The following SLC45A1 variants were observed in gnomAD, a reference collection of about 807,000 sequenced individuals.
SLC45A1 encodes the protein proton-associated sugar transporter A.
In SLC45A1, 28 loss-of-function variants were observed where a neutral mutation model predicts 57.6. The observed-to-expected ratio is 0.49, with a 90% CI of 0.36 to 0.67. The LOEUF (loss-of-function observed/expected upper bound fraction) is 0.67. Among genes scored for constraint, SLC45A1 ranks in the 30% least tolerant of loss-of-function variants. SLC45A1 has a pLI of 0.00. For synonymous variants in SLC45A1, 459 were observed against 471.5 expected (o/e 0.97, Z 0.34); for missense variants, 814 against 1,041.5 (o/e 0.78, Z 3.01).
At chr1:8,324,810 G>A (rs1569933328) in intron 2 of SLC45A1, 84 bp downstream of exon 2, 1 of 1,300,268 alleles carries the variant, frequency 7.7e-7, no homozygotes. Context: ...GTCCTGAGGG[G>A]AGAAGGGAGG....
At chr1:8,324,049 A>G (rs1380700985) in intron 1 of SLC45A1, among the ~76,000 whole-genome samples, 1 of 152,028 alleles carries the variant, frequency 6.6e-6, no homozygotes, top group Non-Finnish European at 1.5e-5. Context: ...TGTTTGGGGG[A>G]TGGTCCCTTT....
intron 7 of SLC45A1, among the ~76,000 whole-genome samples, chr1:8,338,725 A>G (rs1171353765): frequency 6.6e-6 from 1 of 152,184 alleles, no homozygotes; most frequent in African/African-American, 2.4e-5. Flanking sequence ...TACGAGTTTC[A>G]TGTGATTTTC....
At chr1:8,340,151 A>ATCTT (rs1326868802) in intron 8 of SLC45A1, among the ~76,000 whole-genome samples, 12 of 150,582 alleles carry the variant, frequency 8.0e-5, no homozygotes, top group African/African-American at 2.2e-4. Flanking sequence ...GAACAAAAAC[A>ATCTT]TCTTTCTTTC....
At chr1:8,342,056 A>C (rs539178992) in intron 8 of SLC45A1, among the ~76,000 whole-genome samples, 2 of 151,826 alleles carry the variant, frequency 1.3e-5, no homozygotes, top group South Asian at 4.2e-4. Context: ...AAATACAAAA[A>C]ATTAGCCGGG....
Position 8,335,317 on chromosome 1 carries a change from G to C in SLC45A1, c.1444-120G>C. ...CGGGGCTCATGCCGTCAGATAAGAA[G>C]ACAGACCCTTGCAGCCTCCGTGCGG... is the stretch of plus-strand genomic sequence containing the variant. On this transcript the variant is annotated intron_variant, in intron 5 of 8. Transcript: ENST00000471889. This position sits in a 1 kb window ranked among gnomAD's most constrained non-coding sequence, Gnocchi z 4.1. 1 of 999,360 alleles carries C rather than the reference G, an allele frequency of 1.0e-6. No individual in the cohort carries two copies. 61.9% of individuals were successfully genotyped at this position (999,360 alleles called of 1,614,324 possible). A position where few individuals can be genotyped will look rare whatever the true frequency, so the allele number is the denominator to read the frequency against.
intron 1 of SLC45A1, among the ~76,000 whole-genome samples, chr1:8,321,046 G>C (rs1639997229): frequency 6.6e-6 from 1 of 152,132 alleles, no homozygotes; most frequent in African/African-American, 2.4e-5. Context: ...GTTGGAACTG[G>C]CGCTCTATTT....
rs188926271 is a variant in SLC45A1, at chr1:8,335,095, G to A, written c.1444-342G>A. ...ACAAAAAAGAAAGGACTTCCTAGGCGTGTGGATCTGAACTGACCCATGTTT... is the reference window on the plus strand; with the variant it reads ...ACAAAAAAGAAAGGACTTCCTAGGCATGTGGATCTGAACTGACCCATGTTT... On this transcript the variant is annotated intron_variant, in intron 5 of 8. Transcript: ENST00000471889. The surrounding 1 kb of genome is among the most constrained non-coding windows in gnomAD (Gnocchi z 4.1). Among the ~76,000 whole-genome samples, 83 of 152,278 alleles carry A rather than the reference G, an allele frequency of 5.5e-4. No homozygotes were observed. The highest frequency in any genetic ancestry group is 4.1e-3 in the East Asian group (21 of 5,172).
At chr1:8,339,468 TGC>T (rs1214655752) in intron 7 of SLC45A1, 23 bp from the exon 8 acceptor site, 8 of 1,613,132 alleles carry the variant, frequency 5.0e-6, no homozygotes, top group Non-Finnish European at 6.8e-6. Context: ...CGTGTGGCAC[TGC>T]TCACCCTCTC....
In SLC45A1 at chr1:8,343,870, G is replaced by A. The variant is rs751245192; in HGVS notation, c.2104G>A (p.Val702Met). 4.2e-5 allele frequency: 68 copies of A among 1,614,052 alleles called. No individual in the cohort carries two copies. In the South Asian group the frequency reaches 5.5e-4, roughly 13 times the overall value. The change falls in exon 9 of 9, where the codon GTG (valine) becomes ATG (methionine). Residue 702 changes from valine (V) to methionine (M), a missense_variant. By Grantham distance (21) the Val-to-Met change is conservative (BLOSUM62 1). Coordinates refer to ENST00000471889, the MANE Select transcript of SLC45A1 (RefSeq NM_001080397.3). This position sits in a 1 kb window ranked among gnomAD's most constrained non-coding sequence, Gnocchi z 7.7. ...SLVLGPLTSA[V>M]GSANGVMYFS... is the part of the protein sequence containing the mutation. The stretch of plus-strand genomic sequence containing the variant: ...GGTCCTGGGGCCCCTGACCTCGGCC[G>A]TGGGCAGTGCCAACGGGGTGATGTA...
At chr1:8,324,792 G>A in intron 2 of SLC45A1, 66 bp downstream of exon 2, 1 of 1,419,772 alleles carries the variant, frequency 7.0e-7, no homozygotes, top group Admixed American at 2.4e-5. Context: ...CATCGCAGTA[G>A]CCTGAGGGTC....
In SLC45A1 at chr1:8,343,656, C is replaced by A; in HGVS notation, c.1981-91C>A. Reference sequence around the variant, plus strand: ...GTGAGGCCGCTGTGTGTGGGCCGCTCGGGCCTCCTGGGCTCGCAGGACACA... The same window carrying A: ...GTGAGGCCGCTGTGTGTGGGCCGCTAGGGCCTCCTGGGCTCGCAGGACACA... On this transcript the variant is annotated intron_variant, in intron 8 of 8. Coordinates refer to ENST00000471889, the MANE Select transcript of SLC45A1 (RefSeq NM_001080397.3). The surrounding 1 kb of genome is among the most constrained non-coding windows in gnomAD (Gnocchi z 7.7). 1.4e-6 allele frequency: 2 copies of A among 1,464,744 alleles called. No individual in the cohort carries two copies. The highest frequency in any genetic ancestry group is 1.3e-5 in the South Asian group (1 of 77,774). The allele number at this position is 1,464,744 out of a possible 1,614,324, so 90.7% of individuals were successfully genotyped here. A position where few individuals can be genotyped will look rare whatever the true frequency, so the allele number is the denominator to read the frequency against.
At chr1:8,320,690 TCTACACACACACACACACACAC>T (rs1639980827) in intron 1 of SLC45A1, among the ~76,000 whole-genome samples, 1 of 130,216 alleles carries the variant, frequency 7.7e-6, no homozygotes, top group Admixed American at 7.6e-5. Context: ...TCTCTCTCTC[TCTACACACACACACACACACAC>T]ACACACACAC....
At chr1:8,338,645 G>A (rs1052750092) in intron 7 of SLC45A1, among the ~76,000 whole-genome samples, 3 of 152,226 alleles carry the variant, frequency 2.0e-5, no homozygotes, top group Non-Finnish European at 4.4e-5. Flanking sequence ...GCCCCTCACC[G>A]AAAGCCACAG....
At chr1:8,332,297 T>C (rs1480958448) in intron 5 of SLC45A1, among the ~76,000 whole-genome samples, 1 of 152,238 alleles carries the variant, frequency 6.6e-6, no homozygotes, top group African/African-American at 2.4e-5. Flanking sequence ...ACGTGAAACC[T>C]GCAGATGTGT....
chr1:8,339,459 G>C (rs148324631), intron 7 of SLC45A1, 34 bp from the exon 8 acceptor site: 15 of 1,608,300 alleles, frequency 9.3e-6, no homozygotes, highest in Non-Finnish European at 1.3e-5. Flanking sequence ...GGCTCTGGCC[G>C]TGTGGCACTG....
intron 1 of SLC45A1, 142 bp from the exon 2 acceptor site, chr1:8,324,164 C>G (rs1640119570): frequency 2.6e-6 from 2 of 763,432 alleles, no homozygotes; most frequent in Non-Finnish European, 4.2e-6. Context: ...GAAAGTGAGG[C>G]CCCGGAGCAT....
chr1:8,325,877 G>A lies in SLC45A1; in HGVS notation c.550G>A (p.Asp184Asn), dbSNP rs575344554. 1.2e-6 allele frequency: 2 copies of A among 1,614,040 alleles called. No individual in the cohort carries two copies. The highest frequency in any genetic ancestry group is 1.1e-5 in the South Asian group (1 of 91,092). ...NGRDIGIALA[D>N]VTGNHKWGLL... Reference sequence around the variant, plus strand: ...CCGGGACATTGGCATCGCCCTGGCTGACGTGACCGGGAACCACAAGTGGGG... The same window carrying A: ...CCGGGACATTGGCATCGCCCTGGCTAACGTGACCGGGAACCACAAGTGGGG... The change falls in exon 4 of 9, where the codon GAC (aspartate) becomes AAC (asparagine). Residue 184 changes from aspartate to asparagine, a missense_variant. Coordinates refer to ENST00000471889, the MANE Select transcript of SLC45A1 (RefSeq NM_001080397.3). This position sits in a 1 kb window ranked among gnomAD's most constrained non-coding sequence, Gnocchi z 6.3.
rs1557560896 is a variant in SLC45A1, at chr1:8,326,961, C to T, written c.715+919C>T. ...CACTATTGCACTCCAGCCTGGGCAA[C>T]AAGAGCGAACCTCCATCTCAAAAAC... On this transcript the variant is annotated intron_variant, in intron 4 of 8. Transcript: ENST00000471889. This position sits in a 1 kb window ranked among gnomAD's most constrained non-coding sequence, Gnocchi z 5.5. Among the ~76,000 whole-genome samples, 1 of 152,204 alleles carries T rather than the reference C, an allele frequency of 6.6e-6. No homozygotes were observed. Among genetic ancestry groups the T allele is most frequent in the Non-Finnish European group, 1.5e-5 (1 of 68,046 alleles).
chr1:8,343,219 A>G lies in SLC45A1; in HGVS notation c.1981-528A>G, dbSNP rs532931324. Among the ~76,000 whole-genome samples, 1 of 152,326 alleles carries G rather than the reference A, an allele frequency of 6.6e-6. No homozygotes were observed. Among genetic ancestry groups the G allele is most frequent in the East Asian group, 1.9e-4 (1 of 5,168 alleles). On this transcript the variant is annotated intron_variant, in intron 8 of 8. Coordinates refer to ENST00000471889, the MANE Select transcript of SLC45A1 (RefSeq NM_001080397.3). The surrounding 1 kb of genome is among the most constrained non-coding windows in gnomAD (Gnocchi z 7.7). ...CCACCGCTCCCCACCGTCACTCTGC[A>G]CAGACCACACTCTCAGCCACTGTCC...
Sources: allele counts gnomAD v4.1 joint callset (sites outside exome capture counted in the v4.1 genomes callset), GRCh38; gene constraint gnomAD v4.1.1; non-coding constraint Gnocchi (gnomAD v3.1); transcripts MANE v1.5; gene names NCBI Gene and HGNC (gene_info 2026-07-23, HGNC 2026-07-21).